The following STAC variants were observed in gnomAD, a reference collection of about 807,000 sequenced individuals.
STAC encodes SH3 and cysteine rich domain, also known as SH3 and cysteine-rich domain-containing protein.
Under a neutral mutation model 48.8 loss-of-function variants are expected in STAC, and 43 were observed. The ratio of observed to expected loss-of-function variants is 0.88; its 90% CI spans 0.69 to 1.14. The LOEUF is 1.14. Ranked by LOEUF, STAC falls within the 50% of genes most tolerant of loss-of-function variation. STAC has a pLI of 0.00. For missense variants in STAC, 497 were observed against 504.0 expected, an observed-to-expected ratio of 0.99 and a Z score of 0.13; for synonymous variants, 193 against 179.5, an observed-to-expected ratio of 1.07 and a Z score of -0.60.
chr3:36,474,566 A>T (rs893170259), intron 2 of STAC, among the ~76,000 whole-genome samples: 1 of 152,014 alleles, frequency 6.6e-6, no homozygotes, highest in Non-Finnish European at 1.5e-5. Context: ...GTAGACCCAG[A>T]CCCTAGTCCT....
At chr3:36,448,919 G>A (rs1003258025) in intron 2 of STAC, among the ~76,000 whole-genome samples, 11 of 142,768 alleles carry the variant, frequency 7.7e-5, no homozygotes, top group African/African-American at 2.1e-4. Context: ...CCCCACTCCC[G>A]ACCCAGTCTC....
chr3:36,477,118 G>A (rs1024384880), intron 2 of STAC, among the ~76,000 whole-genome samples: 39 of 152,038 alleles, frequency 2.6e-4, no homozygotes, highest in African/African-American at 8.9e-4. Flanking sequence ...TTAAATCATA[G>A]TAAAGAGTCT....
intron 7 of STAC, among the ~76,000 whole-genome samples, chr3:36,504,663 T>C (rs947717171): frequency 1.3e-5 from 2 of 152,198 alleles, no homozygotes; most frequent in African/African-American, 4.8e-5. Context: ...CATTGCACTG[T>C]GCACCTTTTG....
rs141113875 is a variant in STAC, at chr3:36,479,441, C to G, written c.389-3551C>G. Among the ~76,000 whole-genome samples the G allele has an allele frequency of 1.8e-4, 27 of 152,226 alleles. No homozygotes were observed. In the East Asian group the frequency reaches 4.1e-3, roughly 23 times the overall value. On this transcript the variant is annotated intron_variant, in intron 2 of 10. Transcript: ENST00000273183. The stretch of plus-strand genomic sequence containing the variant: ...CTACTCTTGCTATTTCTCCCAATAA[C>G]TTTGTTCTTCAGAGTATATGCTTTG...
At chr3:36,460,451 A>C (rs1324147007) in intron 2 of STAC, among the ~76,000 whole-genome samples, 1 of 152,182 alleles carries the variant, frequency 6.6e-6, no homozygotes. Context: ...AACACACAAA[A>C]AAATTTATTA....
At chr3:36,469,250 G>C (rs1697260050) in intron 2 of STAC, among the ~76,000 whole-genome samples, 1 of 152,164 alleles carries the variant, frequency 6.6e-6, no homozygotes, top group South Asian at 2.1e-4. Flanking sequence ...AGGATTGAGA[G>C]GTCCTTTTAG....
At chr3:36,544,182 T>G (rs1187653954) in intron 10 of STAC, among the ~76,000 whole-genome samples, 1 of 152,176 alleles carries the variant, frequency 6.6e-6, no homozygotes, top group Non-Finnish European at 1.5e-5. Context: ...ATTACTGGCA[T>G]GGGCAATGGC....
chr3:36,534,170 T>C (rs1268220065), intron 10 of STAC, among the ~76,000 whole-genome samples: 1 of 152,206 alleles, frequency 6.6e-6, no homozygotes, highest in African/African-American at 2.4e-5. Context: ...AATGGATCTA[T>C]ATCCTGTGTG....
At chr3:36,532,917 A>C (rs1000461265) in intron 10 of STAC, among the ~76,000 whole-genome samples, 1 of 152,130 alleles carries the variant, frequency 6.6e-6, no homozygotes, top group Non-Finnish European at 1.5e-5. Context: ...AATAAAGTTT[A>C]TACACATGCC....
At chr3:36,418,970 C>T (rs1700382766) in intron 1 of STAC, among the ~76,000 whole-genome samples, 2 of 150,274 alleles carry the variant, frequency 1.3e-5, no homozygotes, top group South Asian at 4.2e-4. Context: ...TGGCTTGAAC[C>T]TGAGAGGCGG....
At chr3:36,429,400 T>C (rs1221786076) in intron 1 of STAC, among the ~76,000 whole-genome samples, 1 of 152,182 alleles carries the variant, frequency 6.6e-6, no homozygotes, top group Non-Finnish European at 1.5e-5. Context: ...GAGATATTCC[T>C]TATGACTGCC....
chr3:36,423,189 C>T (rs1335218647), intron 1 of STAC, among the ~76,000 whole-genome samples: 1 of 152,024 alleles, frequency 6.6e-6, no homozygotes, highest in East Asian at 1.9e-4. Flanking sequence ...TATACACAGG[C>T]TTAAGGCCGA....
chr3:36,478,814 A>C (rs1211583940), intron 2 of STAC, among the ~76,000 whole-genome samples: 1 of 152,066 alleles, frequency 6.6e-6, no homozygotes, highest in East Asian at 1.9e-4. Flanking sequence ...GTAGAGATGG[A>C]GTTTCACCAT....
At chr3:36,514,011 G>A (rs1698605735) in intron 8 of STAC, among the ~76,000 whole-genome samples, 1 of 151,976 alleles carries the variant, frequency 6.6e-6, no homozygotes, top group Admixed American at 6.6e-5. Context: ...CTAACCATCT[G>A]AGCTTCTGCT....
intron 2 of STAC, among the ~76,000 whole-genome samples, chr3:36,464,318 T>C (rs1413707940): frequency 1.3e-5 from 2 of 152,232 alleles, no homozygotes; most frequent in African/African-American, 4.8e-5. Context: ...AAATGTCTTC[T>C]TTTGAGAAGT....
intron 8 of STAC, among the ~76,000 whole-genome samples, chr3:36,518,189 G>A (rs919261295): frequency 1.3e-5 from 2 of 152,174 alleles, no homozygotes; most frequent in African/African-American, 4.8e-5. Flanking sequence ...TAAATAATCA[G>A]CAGATATAAA....
At chr3:36,474,168 A>C (rs908850079) in intron 2 of STAC, among the ~76,000 whole-genome samples, 2 of 152,194 alleles carry the variant, frequency 1.3e-5, no homozygotes, top group African/African-American at 4.8e-5. Context: ...GGCCACCCTG[A>C]AAATTCCTGT....
chr3:36,444,467 C>T (rs1696450950), intron 2 of STAC, among the ~76,000 whole-genome samples: 1 of 152,232 alleles, frequency 6.6e-6, no homozygotes, highest in Non-Finnish European at 1.5e-5. Context: ...CTCCTTATCT[C>T]CTGCTCTCTC....
intron 4 of STAC, chr3:36,485,696 T>C (rs1196195337): frequency 6.5e-6 from 1 of 152,918 alleles, no homozygotes; most frequent in African/African-American, 2.4e-5. Context: ...ACTAGAAATT[T>C]ATAAGTTAGA....
Sources: allele counts gnomAD v4.1 joint callset (sites outside exome capture counted in the v4.1 genomes callset), GRCh38; gene constraint gnomAD v4.1.1; transcripts MANE v1.5; gene names NCBI Gene and HGNC (gene_info 2026-07-23, HGNC 2026-07-21).